SPTLC3: variants seen among roughly 807,000 people sequenced by gnomAD.
SPTLC3 encodes the protein serine palmitoyltransferase 3.
A neutral mutation model predicts 59.3 loss-of-function variants in SPTLC3; 36 were observed. The observed-to-expected ratio is 0.61, with a 90% CI of 0.47 to 0.80. SPTLC3 has a LOEUF of 0.80. Ranked by LOEUF, SPTLC3 falls within the 30% of genes least tolerant of loss-of-function variation. SPTLC3 has a pLI of 0.00. For synonymous variants in SPTLC3, 257 were observed against 240.8 expected (o/e 1.07, Z -0.62); for missense variants, 625 against 685.1 (o/e 0.91, Z 0.98).
In SPTLC3 at chr20:13,009,223, G is replaced by T; in HGVS notation, c.-45G>T. 1 of 1,529,202 alleles carries T rather than the reference G, an allele frequency of 6.5e-7. No homozygotes were observed. Among genetic ancestry groups the T allele is most frequent in the Non-Finnish European group, 9.1e-7 (1 of 1,104,042 alleles). 94.7% of individuals were successfully genotyped at this position (1,529,202 alleles called of 1,614,324 possible). A position where few individuals can be genotyped will look rare whatever the true frequency, so the allele number is the denominator to read the frequency against. On this transcript the variant is annotated 5_prime_UTR_variant, in exon 1 of 12. Transcript: ENST00000399002. ...CAGACTGAAAACTAAAGCCTGCAGA[G>T]ACCTCTGAAGGAAAACCTGTCCCGG...
In SPTLC3 at chr20:13,074,358, AAG is replaced by A. The variant is rs751731940; in HGVS notation, c.471_472del (p.Arg157SerfsTer12). 1 of 1,613,958 alleles carries A rather than the reference AAG, an allele frequency of 6.2e-7. No individual in the cohort carries two copies. The highest frequency in any genetic ancestry group is 8.5e-7 in the Non-Finnish European group (1 of 1,179,902). ...ACATGTTTCCCCACAGGTTTACTGGAAGAGTCATCAAAGATGTCATCAACATG... is the reference window on the plus strand; with the variant it reads ...ACATGTTTCCCCACAGGTTTACTGGAAGTCATCAAAGATGTCATCAACATG... Reference protein sequence around the residue: ...DYNWTFRFTGRVIKDVINMGS... With the variant: ...DYNWTFRFTGXVIKDVINMGS... On this transcript the variant is annotated frameshift_variant, in exon 4 of 12. Coordinates refer to ENST00000399002, the MANE Select transcript of SPTLC3 (RefSeq NM_018327.4). LOFTEE classifies it high-confidence loss of function.
intron 1 of SPTLC3, among the ~76,000 whole-genome samples, chr20:13,012,040 C>A (rs1429854045): frequency 6.6e-6 from 1 of 152,070 alleles, no homozygotes; most frequent in Non-Finnish European, 1.5e-5. Flanking sequence ...TACTTTGCAA[C>A]TATTATCCAC....
intron 2 of SPTLC3, among the ~76,000 whole-genome samples, chr20:13,058,287 C>T (rs983827049): frequency 6.6e-6 from 1 of 152,144 alleles, no homozygotes; most frequent in Admixed American, 6.5e-5. Context: ...AGGATGAGGT[C>T]CATTAAGGTG....
chr20:13,089,235 C>G (rs577922339), intron 4 of SPTLC3, among the ~76,000 whole-genome samples: 1 of 152,114 alleles, frequency 6.6e-6, no homozygotes, highest in African/African-American at 2.4e-5. Flanking sequence ...ACAATACTTC[C>G]GTAACTTAAA....
intron 8 of SPTLC3, among the ~76,000 whole-genome samples, chr20:13,123,820 G>C (rs1366353509): frequency 6.6e-6 from 1 of 152,126 alleles, no homozygotes; most frequent in Non-Finnish European, 1.5e-5. Context: ...ACAGGTCCAC[G>C]TAAGCCTCCA....
chr20:13,060,030 A>T (rs1987891464), intron 2 of SPTLC3, among the ~76,000 whole-genome samples: 1 of 151,798 alleles, frequency 6.6e-6, no homozygotes, highest in Non-Finnish European at 1.5e-5. Context: ...TTCCCCTCAA[A>T]CCTGCAACAT....
intron 2 of SPTLC3, among the ~76,000 whole-genome samples, chr20:13,059,157 T>G (rs993075928): frequency 2.0e-5 from 3 of 152,198 alleles, no homozygotes; most frequent in African/African-American, 7.2e-5. Context: ...ATCTCCCCTT[T>G]AATCTCAGAG....
chr20:13,158,828 C>A (rs1351573127), intron 10 of SPTLC3, among the ~76,000 whole-genome samples: 1 of 152,208 alleles, frequency 6.6e-6, no homozygotes, highest in Non-Finnish European at 1.5e-5. Context: ...GACTGCTCAA[C>A]AGCAAAACAA....
rs145638300 is a variant in SPTLC3, at chr20:13,118,101, T to C, written c.1152+376T>C. Among the ~76,000 whole-genome samples the C allele has an allele frequency of 1.4e-4, 21 of 152,106 alleles. No individual in the cohort carries two copies. In the East Asian group the frequency reaches 4.1e-3, roughly 29 times the overall value. On this transcript the variant is annotated intron_variant, in intron 8 of 11. Transcript: ENST00000399002. ...CATATTTAACACACAGAGAGAATAA[T>C]GTATACCAAGCCAGAAGTGATAAGG...
chr20:13,110,254 G>A, intron 7 of SPTLC3, 37 bp downstream of exon 7: 1 of 1,571,290 alleles, frequency 6.4e-7, no homozygotes. Flanking sequence ...CGACTCGGAG[G>A]CCTGCAGCAA....
At chr20:13,049,803 A>C (rs559936889) in intron 2 of SPTLC3, 1 of 152,170 alleles carries the variant, frequency 6.6e-6, no homozygotes, top group South Asian at 2.1e-4. Flanking sequence ...CCCAGTACCA[A>C]CTTGGAGCCG....
At chr20:13,080,270 G>A (rs899306236) in intron 4 of SPTLC3, among the ~76,000 whole-genome samples, 16 of 152,034 alleles carry the variant, frequency 1.1e-4, no homozygotes, top group African/African-American at 3.9e-4. Context: ...GACACTTTGG[G>A]AGGCCTAGGC....
At chr20:13,042,324 T>G (rs961801384) in intron 1 of SPTLC3, among the ~76,000 whole-genome samples, 5 of 152,188 alleles carry the variant, frequency 3.3e-5, no homozygotes, top group African/African-American at 1.2e-4. Context: ...TCTGGAGCTC[T>G]CTCTCCCACT....
chr20:13,035,461 C>T (rs570455081), intron 1 of SPTLC3, among the ~76,000 whole-genome samples: 1 of 152,242 alleles, frequency 6.6e-6, no homozygotes, highest in Non-Finnish European at 1.5e-5. Flanking sequence ...TCATGTGAAA[C>T]ATTGTTTTAT....
chr20:13,074,638 G>T (rs1988577955), intron 4 of SPTLC3, 141 bp downstream of exon 4: 2 of 1,050,146 alleles, frequency 1.9e-6, no homozygotes, highest in African/African-American at 1.6e-5. Context: ...GAGATATTTT[G>T]GGAAATTTCA....
At chr20:13,121,767 A>G (rs1434386310) in intron 8 of SPTLC3, among the ~76,000 whole-genome samples, 1 of 152,176 alleles carries the variant, frequency 6.6e-6, no homozygotes, top group African/African-American at 2.4e-5. Context: ...CACACAAGCA[A>G]ATAAACTTCC....
At chr20:13,077,294 A>C (rs1988682438) in intron 4 of SPTLC3, among the ~76,000 whole-genome samples, 2 of 148,138 alleles carry the variant, frequency 1.4e-5, no homozygotes, top group South Asian at 2.1e-4. Context: ...TAATATTATT[A>C]CTTATAAAGT....
intron 10 of SPTLC3, among the ~76,000 whole-genome samples, chr20:13,158,180 A>G (rs1227188399): frequency 2.0e-5 from 3 of 152,236 alleles, no homozygotes; most frequent in South Asian, 2.1e-4. Context: ...ATACAATGCA[A>G]TGCTAATGTT....
rs2038977676 is a variant in SPTLC3 at position 13,165,842 on chromosome 20, C to G, written c.*975C>G. 1 of 152,202 alleles carries G rather than the reference C, an allele frequency of 6.6e-6. No individual in the cohort carries two copies. The highest frequency in any genetic ancestry group is 1.5e-5 in the Non-Finnish European group (1 of 68,020). The allele number at this position is 152,202 out of a possible 1,614,324, so 9.4% of individuals were successfully genotyped here. On this transcript the variant is annotated 3_prime_UTR_variant, in exon 12 of 12. Transcript: ENST00000399002. ...ATTTAAAAGCAAATTCTGACTTTTTCAAGACCAACACACTTGTTTAGGCCT... is the reference window on the plus strand; with the variant it reads ...ATTTAAAAGCAAATTCTGACTTTTTGAAGACCAACACACTTGTTTAGGCCT...
Sources: gnomAD v4.1 joint callset for allele counts (sites outside exome capture counted in the v4.1 genomes callset) on GRCh38, gnomAD v4.1.1 for gene constraint, MANE v1.5 for transcripts, NCBI Gene and HGNC (gene_info 2026-07-23, HGNC 2026-07-21) for gene names.